Variants in CYP4Z1 observed in about 807,000 individuals in gnomAD.
The protein encoded by CYP4Z1 is cytochrome P450 family 4 subfamily Z member 1, also known as cytochrome P450 4Z1.
CYP4Z1 carries 41 observed loss-of-function variants against 54.2 expected under a neutral mutation model. The observed-to-expected ratio is 0.76, with a 90% CI of 0.59 to 0.98. CYP4Z1 has a LOEUF of 0.98. Among genes scored for constraint, CYP4Z1 ranks in the 50% least tolerant of loss-of-function variants. The pLI is 0.00. For synonymous variants in CYP4Z1, 163 were observed against 206.2 expected (o/e 0.79, Z 1.79); for missense variants, 513 against 599.0 (o/e 0.86, Z 1.50).
At position 47,067,648 on chromosome 1, in the gene CYP4Z1, G is replaced by A. The variant is rs1557619506; in HGVS notation, c.158G>A (p.Trp53Ter). The change falls in exon 1 of 12, where the codon TGG becomes TAG. Residue 53 changes from tryptophan (W) to a stop codon, truncating the protein, a stop_gained. Coordinates refer to ENST00000334194, the MANE Select transcript of CYP4Z1 (RefSeq NM_178134.3). LOFTEE classifies it high-confidence loss of function. ...CTGTTTCCTGCACCCCCTGCCCACT[G>A]GTTCTATGGCCACAAGGAGGTAAGA... Reference protein sequence around the residue: ...LHLFPAPPAHWFYGHKEFYPV... With the variant: ...LHLFPAPPAH 1.2e-6 allele frequency: 2 copies of A among 1,608,274 alleles called. No individual in the cohort carries two copies. The highest frequency in any genetic ancestry group is 1.7e-5 in the Admixed American group (1 of 59,778).
At chr1:47,064,361 C>T (rs1016129549), upstream of CYP4Z1, among the ~76,000 whole-genome samples, 5 of 152,176 alleles carry the variant, frequency 3.3e-5, no homozygotes, top group East Asian at 7.7e-4. Context: ...GGATTACAGA[C>T]GGAGCCACAG....
chr1:47,107,692 T>C (rs1644766350), intron 9 of CYP4Z1, among the ~76,000 whole-genome samples: 1 of 151,972 alleles, frequency 6.6e-6, no homozygotes, highest in African/African-American at 2.4e-5. Context: ...CACAAGAAAA[T>C]TATTTTCTCT....
intron 1 of CYP4Z1, 45 bp downstream of exon 1, chr1:47,067,712 G>A: frequency 6.6e-7 from 1 of 1,508,266 alleles, no homozygotes. Context: ...ACAGAAAGAT[G>A]AGGTATTAAA....
At chr1:47,082,531 A>T in intron 4 of CYP4Z1, 70 bp downstream of exon 4, 2 of 1,548,888 alleles carry the variant, frequency 1.3e-6, no homozygotes, top group Non-Finnish European at 1.7e-6. Context: ...GGTGTGGGAG[A>T]CTCTGAGTTC....
chr1:47,061,817 C>G, the CYP4Z1 span, among the ~76,000 whole-genome samples: 1 of 152,176 alleles, frequency 6.6e-6, no homozygotes, highest in Non-Finnish European at 1.5e-5. Flanking sequence ...AGCAGCACAT[C>G]AAAAATCTAA....
intron 6 of CYP4Z1, among the ~76,000 whole-genome samples, chr1:47,089,889 C>T (rs554505616): frequency 6.6e-6 from 1 of 152,250 alleles, no homozygotes; most frequent in Non-Finnish European, 1.5e-5. Context: ...TAAGTTCAGG[C>T]TTAGGCCATT....
chr1:47,082,306 G>C lies in CYP4Z1; in HGVS notation c.365-28G>C, dbSNP rs745994794. On this transcript the variant is annotated intron_variant, in intron 3 of 11. Transcript: ENST00000334194. ...TTCTTCACTTACCTGGCCTCTGATA[G>C]AAACAGTTGCCCCTCTCATTTCATA... is the stretch of plus-strand genomic sequence containing the variant. 7 of 1,577,490 alleles carry C rather than the reference G, an allele frequency of 4.4e-6. No individual in the cohort carries two copies. In the South Asian group the frequency reaches 8.4e-5, roughly 19 times the overall value.
chr1:47,059,692 C>T, the CYP4Z1 span, among the ~76,000 whole-genome samples: 1 of 152,162 alleles, frequency 6.6e-6, no homozygotes, highest in Non-Finnish European at 1.5e-5. Flanking sequence ...CTTTCTCATA[C>T]TGTGTATGAG....
intron 6 of CYP4Z1, 50 bp from the exon 7 acceptor site, chr1:47,094,516 G>A (rs2148534515): frequency 7.7e-7 from 1 of 1,300,998 alleles, no homozygotes; most frequent in Non-Finnish European, 1.1e-6. Flanking sequence ...GGCTTTGATT[G>A]ACTTTCCAGT....
upstream of CYP4Z1, among the ~76,000 whole-genome samples, chr1:47,063,185 G>A (rs1467095148): frequency 6.6e-6 from 1 of 152,102 alleles, no homozygotes; most frequent in East Asian, 1.9e-4. Flanking sequence ...CTAGGGGAAG[G>A]GGGAGAACAT....
intron 10 of CYP4Z1, 129 bp downstream of exon 10, chr1:47,115,722 A>T (rs775288843): frequency 4.3e-5 from 37 of 869,304 alleles, no homozygotes; most frequent in Admixed American, 1.0e-4. Flanking sequence ...CAGAACAAAA[A>T]CCCTATGCTT....
the CYP4Z1 span, among the ~76,000 whole-genome samples, chr1:47,056,027 T>G: frequency 1.8e-4 from 27 of 152,232 alleles, no homozygotes; most frequent in East Asian, 7.7e-4. Flanking sequence ...GTCAATTTTA[T>G]ATCTTTCCTG....
chr1:47,056,805 C>T, the CYP4Z1 span, among the ~76,000 whole-genome samples: 1 of 152,044 alleles, frequency 6.6e-6, no homozygotes, highest in South Asian at 2.1e-4. Context: ...TATTTTGAGC[C>T]TATGTGTGTC....
chr1:47,083,105 C>T (rs550729138), intron 4 of CYP4Z1, among the ~76,000 whole-genome samples: 19 of 152,080 alleles, frequency 1.2e-4, no homozygotes, highest in African/African-American at 2.7e-4. Context: ...GAGGTGATTG[C>T]GACAACTCAA....
intron 9 of CYP4Z1, among the ~76,000 whole-genome samples, chr1:47,114,359 C>T (rs1252284312): frequency 6.6e-6 from 1 of 152,062 alleles, no homozygotes; most frequent in Non-Finnish European, 1.5e-5. Context: ...AAAACCTAGG[C>T]AATACCATTC....
chr1:47,057,335 A>AAT, the CYP4Z1 span, among the ~76,000 whole-genome samples: 42 of 28,458 alleles, frequency 1.5e-3, no homozygotes, highest in Non-Finnish European at 2.4e-3. Context: ...AAGAAAAAAA[A>AAT]ATATATATAT....
intron 4 of CYP4Z1, among the ~76,000 whole-genome samples, chr1:47,082,823 TC>T (rs1436508354): frequency 6.8e-6 from 1 of 147,888 alleles, no homozygotes; most frequent in Non-Finnish European, 1.5e-5. Flanking sequence ...AGGAAACACT[TC>T]CTAAGAAAGG....
chr1:47,098,650 T>G (rs1049291154), intron 7 of CYP4Z1, among the ~76,000 whole-genome samples: 1 of 152,206 alleles, frequency 6.6e-6, no homozygotes, highest in African/African-American at 2.4e-5. Flanking sequence ...TTTCCCTTTA[T>G]CATTAAGAAG....
chr1:47,055,756 G>A, the CYP4Z1 span, among the ~76,000 whole-genome samples: 6 of 152,142 alleles, frequency 3.9e-5, no homozygotes, highest in East Asian at 1.9e-4. Context: ...CTGTGGGATC[G>A]GTGGTGATAT....
Sources: gnomAD v4.1 joint callset for allele counts (sites outside exome capture counted in the v4.1 genomes callset) on GRCh38, gnomAD v4.1.1 for gene constraint, MANE v1.5 for transcripts, NCBI Gene and HGNC (gene_info 2026-07-23, HGNC 2026-07-21) for gene names.